STAT2: variants seen among roughly 807,000 people sequenced by gnomAD.
The protein encoded by STAT2 is interferon alpha induced transcriptional activator.
Under a neutral mutation model 122.3 loss-of-function variants are expected in STAT2, and 51 were observed. The observed-to-expected ratio is 0.42, with a 90% CI of 0.33 to 0.53. The LOEUF is 0.53. Ranked by LOEUF, STAT2 falls within the 20% of genes least tolerant of loss-of-function variation. The probability of loss-of-function intolerance (pLI) is 0.10; values close to 1 mark genes in which losing one functional copy is unlikely to be tolerated. For synonymous variants in STAT2, 351 were observed against 394.9 expected, an observed-to-expected ratio of 0.89 and a Z score of 1.32; for missense variants, 736 against 1,010.3, an observed-to-expected ratio of 0.73 and a Z score of 3.68.
rs373162091 is a variant in STAT2, at chr12:56,354,606, C to T, written c.642G>A (p.Leu214=). ...NELDKRRKEV[L]DASKALLGRL... ...GGCCTAGCAGTGCTTTGGAGGCATCCAGCACCTCCTGGGAAAGAGATAATG... is the reference window on the plus strand; with the variant it reads ...GGCCTAGCAGTGCTTTGGAGGCATCTAGCACCTCCTGGGAAAGAGATAATG... Residue 214 remains leucine (L), a synonymous_variant, in exon 8 of 24, where the codon CTG becomes CTA. Coordinates refer to ENST00000314128, the MANE Select transcript of STAT2 (RefSeq NM_005419.4). 1.8e-5 allele frequency: 29 copies of T among 1,614,016 alleles called. No individual in the cohort carries two copies. The highest frequency in any genetic ancestry group is 1.0e-4 in the Admixed American group (6 of 60,000).
rs1316673873 is a variant in STAT2 at position 56,345,513 on chromosome 12, AAAAAAAAAAAAAT to A, written c.2102+620_2102+632del. ...CCTGTCTCAAAAAAAAAAAAAAAAA[AAAAAAAAAAAAAT>A]ATATATATATGCGGGGTGTGGTGGC... On this transcript the variant is annotated intron_variant, in intron 22 of 23. Coordinates refer to ENST00000314128, the MANE Select transcript of STAT2 (RefSeq NM_005419.4). 3.2e-5 allele frequency among the ~76,000 whole-genome samples: 3 copies of A among 94,754 alleles called. 1 individual carries two copies. Among genetic ancestry groups the A allele is most frequent in the Non-Finnish European group, 5.8e-5 (3 of 51,824 alleles). The allele number at this position is 94,754 out of a possible 152,430, so 62.2% of individuals were successfully genotyped here.
chr12:56,356,074 T>C, intron 3 of STAT2, 58 bp downstream of exon 3: 1 of 1,583,528 alleles, frequency 6.3e-7, no homozygotes, highest in Non-Finnish European at 8.6e-7. Flanking sequence ...TCTCCAAACC[T>C]TACTCCTCTA....
At chr12:56,350,300 T>G in intron 12 of STAT2, 110 bp from the exon 13 acceptor site, 3 of 1,450,306 alleles carry the variant, frequency 2.1e-6, no homozygotes, top group Non-Finnish European at 2.8e-6. Flanking sequence ...CATCTCCCTT[T>G]GTCCATATCC....
chr12:56,344,133 T>C lies in STAT2; in HGVS notation c.2105A>G (p.Gln702Arg). 1 of 1,551,646 alleles carries C rather than the reference T, an allele frequency of 6.4e-7. No individual in the cohort carries two copies. The highest frequency in any genetic ancestry group is 8.7e-7 in the Non-Finnish European group (1 of 1,145,630). Residue 702 changes from glutamine to arginine, a missense_variant and splice_region_variant, in exon 23 of 24, where the codon CAG becomes CGG. Gln to Arg is a conservative substitution (Grantham distance 43). Coordinates refer to ENST00000314128, the MANE Select transcript of STAT2 (RefSeq NM_005419.4). ...KHRLIVVSNR[Q>R]VDELQQPLEL... The stretch of plus-strand genomic sequence containing the variant: ...CAGCGGTTGTTGCAGTTCATCCACC[T>C]GTCTGGATACCCAAAGACAGACAAA...
chr12:56,344,573 G>A (rs914810875), intron 22 of STAT2, among the ~76,000 whole-genome samples: 6 of 152,132 alleles, frequency 3.9e-5, no homozygotes, highest in African/African-American at 1.2e-4. Flanking sequence ...AGTGCCTGGC[G>A]CATAATAAAC....
intron 1 of STAT2, among the ~76,000 whole-genome samples, chr12:56,358,598 A>G (rs1403461703): frequency 3.3e-5 from 5 of 152,198 alleles, no homozygotes; most frequent in African/African-American, 1.2e-4. Flanking sequence ...TAAGTACACC[A>G]TATAAACTGC....
Position 56,354,016 on chromosome 12 carries a change from A to AAAAAAAAAAAT in STAT2, c.782+449_782+450insATTTTTTTTTT, listed in dbSNP as rs71081350. Among the ~76,000 whole-genome samples, 27 of 16,682 alleles carry AAAAAAAAAAAT rather than the reference A, an allele frequency of 1.6e-3. 1 individual carries two copies. The highest frequency in any genetic ancestry group is 2.9e-3 in the African/African-American group (27 of 9,180). The allele number at this position is 16,682 out of a possible 152,430, so 10.9% of individuals were successfully genotyped here. A position where few individuals can be genotyped will look rare whatever the true frequency, so the allele number is the denominator to read the frequency against. On this transcript the variant is annotated intron_variant, in intron 8 of 23. Coordinates refer to ENST00000314128, the MANE Select transcript of STAT2 (RefSeq NM_005419.4). Reference sequence around the variant, plus strand: ...GTCTCAAAAAAAAAAAAAAAAAAAAAATATATATATATATATATATATATA... The same window carrying AAAAAAAAAAAT: ...GTCTCAAAAAAAAAAAAAAAAAAAAAAAAAAAAAAATATATATATATATATATATATATATA...
intron 8 of STAT2, among the ~76,000 whole-genome samples, chr12:56,354,008 A>ATATATATATATATATATATAT: frequency 5.0e-5 from 1 of 19,824 alleles, no homozygotes; most frequent in Non-Finnish European, 2.8e-4. Flanking sequence ...AAAAAAAAAA[A>ATATATATATATATATATATAT]AAAAAAAAAT....
intron 22 of STAT2, among the ~76,000 whole-genome samples, chr12:56,345,193 A>T (rs1458373069): frequency 1.3e-5 from 2 of 148,724 alleles, no homozygotes; most frequent in Non-Finnish European, 3.0e-5. Context: ...AAAAAAAAAA[A>T]AAAAATTCTA....
chr12:56,349,039 G>T lies in STAT2; in HGVS notation c.1461C>A (p.Asn487Lys). Residue 487 changes from asparagine (N) to lysine (K), a missense_variant, in exon 17 of 24, where the codon AAC (asparagine) becomes AAA (lysine). By Grantham distance (94) the Asn-to-Lys change is moderately conservative. Transcript: ENST00000314128. ...PNLQNQQFFS[N>K]PPKAPWSLLG... is the part of the protein sequence containing the mutation. ...GCAAGCTCCAGGGGGCCTTGGGGGG[G>T]TTGGAGAAGAACTGCTGGTTCTGCA... 1 of 1,613,576 alleles carries T rather than the reference G, an allele frequency of 6.2e-7. No individual in the cohort carries two copies. The highest frequency in any genetic ancestry group is 8.5e-7 in the Non-Finnish European group (1 of 1,179,720).
chr12:56,344,192 A>G, intron 22 of STAT2, 57 bp from the exon 23 acceptor site: 1 of 1,508,278 alleles, frequency 6.6e-7, no homozygotes, highest in Non-Finnish European at 8.9e-7. Flanking sequence ...TGAAATCAGG[A>G]ATGGTAGAAT....
At chr12:56,348,148 C>T (rs535666257) in intron 19 of STAT2, among the ~76,000 whole-genome samples, 26 of 143,918 alleles carry the variant, frequency 1.8e-4, no homozygotes, top group African/African-American at 3.6e-4. Flanking sequence ...AGGGCAGTGA[C>T]GCAATCTCGG....
At chr12:56,355,195 C>T (rs1044469906) in intron 6 of STAT2, 81 bp downstream of exon 6, 16 of 1,523,978 alleles carry the variant, frequency 1.0e-5, no homozygotes, top group Middle Eastern at 2.0e-4. Flanking sequence ...TACTGCTCAT[C>T]GGAGCTTTCT....
intron 6 of STAT2, 93 bp from the exon 7 acceptor site, chr12:56,354,956 A>G (rs975181232): frequency 1.4e-5 from 18 of 1,332,438 alleles, no homozygotes; most frequent in African/African-American, 4.4e-5. Flanking sequence ...AATTTTGTGG[A>G]GGAAGAAAGG....
In STAT2 at chr12:56,343,410, G is replaced by C; in HGVS notation, c.2535C>G (p.Pro845=). 6.2e-7 allele frequency: 1 copy of C among 1,614,024 alleles called. No homozygotes were observed. The change falls in exon 24 of 24, where the codon CCC becomes CCG. Residue 845 remains proline (P), a synonymous_variant. Coordinates refer to ENST00000314128, the MANE Select transcript of STAT2 (RefSeq NM_005419.4). The stretch of plus-strand genomic sequence containing the variant: ...GTTCCTAGAAGTCAGAAGGCATCAA[G>C]GGTCCATCAGTGTAGAAGTGGCTGG... ...SRPSHFYTDG[P]LMPSDF
At chr12:56,357,800 C>T (rs1879757956) in intron 1 of STAT2, among the ~76,000 whole-genome samples, 1 of 151,272 alleles carries the variant, frequency 6.6e-6, no homozygotes, top group South Asian at 2.1e-4. Flanking sequence ...CAGCTTTGAC[C>T]TCTCAGGTTC....
In STAT2 at chr12:56,349,465, C is replaced by T. The variant is rs766872480; in HGVS notation, c.1302G>A (p.Thr434=). 3.6e-5 allele frequency: 58 copies of T among 1,614,022 alleles called. No individual in the cohort carries two copies. The highest frequency in any genetic ancestry group is 6.7e-5 in the East Asian group (3 of 44,900). The change falls in exon 15 of 24, where the codon ACG becomes ACA. Residue 434 remains threonine, a synonymous_variant. Coordinates refer to ENST00000314128, the MANE Select transcript of STAT2 (RefSeq NM_005419.4). ...TCAGACCCTGGTAGGTATATTTGAC[C>T]GTGAAGCTGATGATGTGCAGTTCCT... ...VTEELHIISF[T]VKYTYQGLKQ...
intron 8 of STAT2, among the ~76,000 whole-genome samples, chr12:56,354,022 T>A (rs1439576957): frequency 2.5e-3 from 109 of 43,684 alleles, no homozygotes; most frequent in African/African-American, 9.7e-3. Context: ...AAAAAATATA[T>A]ATATATATAT....
chr12:56,346,785 G>A (rs1877534839), intron 20 of STAT2, 34 bp downstream of exon 20: 1 of 1,613,662 alleles, frequency 6.2e-7, no homozygotes. Flanking sequence ...GCAGAAAGGA[G>A]AGGCTGTGGG....
Sources: allele counts gnomAD v4.1 joint callset (sites outside exome capture counted in the v4.1 genomes callset), GRCh38; gene constraint gnomAD v4.1.1; transcripts MANE v1.5; gene names NCBI Gene and HGNC (gene_info 2026-07-23, HGNC 2026-07-21).